Variants in SLC35D1 observed in about 807,000 individuals in gnomAD.
The protein encoded by SLC35D1 is nucleotide sugar transporter SLC35D1.
Under a neutral mutation model 46.7 loss-of-function variants are expected in SLC35D1, and 31 were observed. The ratio of observed to expected loss-of-function variants is 0.66; its 90% CI spans 0.50 to 0.90. SLC35D1 has a LOEUF of 0.90. SLC35D1 is among the 40% of genes least tolerant of loss of function. SLC35D1 has a pLI of 0.00. For missense variants in SLC35D1, 397 were observed against 426.2 expected (o/e 0.93, Z 0.60); for synonymous variants, 195 against 164.6 (o/e 1.18, Z -1.41).
chr1:66,981,964 CT>C, the SLC35D1 span: 2 of 1,600,432 alleles, frequency 1.2e-6, no homozygotes, highest in Non-Finnish European at 1.7e-6. Flanking sequence ...ATAAGGGACA[CT>C]TTCTTGCAGT....
chr1:67,051,842 C>T (rs1187800915), intron 4 of SLC35D1, among the ~76,000 whole-genome samples, 170 bp downstream of exon 4: 3 of 152,080 alleles, frequency 2.0e-5, no homozygotes, highest in African/African-American at 7.2e-5. Context: ...AGAGCATAAA[C>T]TATAAACTAA....
intron 10 of SLC35D1, among the ~76,000 whole-genome samples, chr1:67,015,800 A>T (rs1451039486): frequency 2.0e-5 from 3 of 152,212 alleles, no homozygotes; most frequent in African/African-American, 7.2e-5. Flanking sequence ...GGAAAAACAG[A>T]TTCAGTATGA....
chr1:67,040,696 T>C (rs1365704011), intron 8 of SLC35D1, among the ~76,000 whole-genome samples: 3 of 152,152 alleles, frequency 2.0e-5, no homozygotes, highest in Non-Finnish European at 2.9e-5. Context: ...TGCTAAGCAC[T>C]CTCACCTCAG....
At chr1:66,991,017 T>C in the SLC35D1 span, among the ~76,000 whole-genome samples, 1 of 152,210 alleles carries the variant, frequency 6.6e-6, no homozygotes, top group Non-Finnish European at 1.5e-5. Flanking sequence ...TAACTCTGGC[T>C]ACTCTTTCCA....
chr1:67,045,042 G>A (rs1368086334), intron 7 of SLC35D1, among the ~76,000 whole-genome samples: 3 of 151,426 alleles, frequency 2.0e-5, no homozygotes, highest in Non-Finnish European at 4.4e-5. Flanking sequence ...AAAAAAAAAA[G>A]CCATACTGGG....
At chr1:67,021,487 C>T (rs1427197608) in intron 9 of SLC35D1, 48 bp downstream of exon 9, 1 of 1,591,320 alleles carries the variant, frequency 6.3e-7, no homozygotes, top group Admixed American at 1.7e-5. Flanking sequence ...ATTTCTCTAA[C>T]CTATTTCTTT....
the SLC35D1 span, among the ~76,000 whole-genome samples, chr1:66,982,276 G>A: frequency 6.6e-6 from 1 of 152,152 alleles, no homozygotes; most frequent in African/African-American, 2.4e-5. Context: ...GAGATATACA[G>A]ATCATTGCAA....
chr1:66,976,731 AT>A, the SLC35D1 span: 1 of 1,569,128 alleles, frequency 6.4e-7, no homozygotes, highest in Non-Finnish European at 8.6e-7. Flanking sequence ...ACGTGAGTTA[AT>A]TTTTTCCTTA....
chr1:66,993,808 C>CA, the SLC35D1 span, among the ~76,000 whole-genome samples: 1 of 152,132 alleles, frequency 6.6e-6, no homozygotes, highest in African/African-American at 2.4e-5. Context: ...AAAAATGGCT[C>CA]AATAAATGTA....
intron 8 of SLC35D1, among the ~76,000 whole-genome samples, chr1:67,023,633 A>G (rs1667857621): frequency 6.6e-6 from 1 of 151,650 alleles, no homozygotes; most frequent in Non-Finnish European, 1.5e-5. Flanking sequence ...TTACAGGCAC[A>G]TGCCACCACA....
At chr1:66,992,768 T>A in the SLC35D1 span, among the ~76,000 whole-genome samples, 1 of 152,260 alleles carries the variant, frequency 6.6e-6, no homozygotes, top group Non-Finnish European at 1.5e-5. Context: ...CAGCACCCTT[T>A]GGGTTTATTT....
At chr1:66,979,763 CTTT>C in the SLC35D1 span, among the ~76,000 whole-genome samples, 3 of 138,688 alleles carry the variant, frequency 2.2e-5, no homozygotes, top group Non-Finnish European at 1.6e-5. Context: ...TTTGCCTTGG[CTTT>C]TTTTTTTTTT....
downstream of SLC35D1, among the ~76,000 whole-genome samples, chr1:66,998,359 C>A (rs1667268130): frequency 6.6e-6 from 1 of 152,022 alleles, no homozygotes; most frequent in Non-Finnish European, 1.5e-5. Flanking sequence ...CGTGGTGGTG[C>A]ATGCCTGTAA....
chr1:67,047,346 C>T lies in SLC35D1; in HGVS notation c.555G>A (p.Leu185=). 6.2e-7 allele frequency: 1 copy of T among 1,613,206 alleles called. No homozygotes were observed. Among genetic ancestry groups the T allele is most frequent in the Non-Finnish European group, 8.5e-7 (1 of 1,179,862 alleles). The change falls in exon 7 of 12, where the codon CTG becomes CTA. Residue 185 remains leucine, a synonymous_variant. Transcript: ENST00000235345. ...TTATCAGAATAAAAGCATATCCTTC[C>T]AGATCAAATGCCAAGTCAGAGCTGC... The part of the protein sequence containing the change: ...VAASSDLAFD[L]EGYAFILIND...
intron 10 of SLC35D1, among the ~76,000 whole-genome samples, chr1:67,013,602 C>A: frequency 6.6e-6 from 1 of 152,118 alleles, no homozygotes; most frequent in East Asian, 1.9e-4. Context: ...ACTCCTCCTT[C>A]CTCCTCTTTG....
rs1017525147 is a variant in SLC35D1, at chr1:67,054,100, G to A, written c.-87C>T. On this transcript the variant is annotated 5_prime_UTR_variant, in exon 1 of 12. Transcript: ENST00000235345. ...GCTCCCAGGGGACTCCAGGAGTTGGGGACCGCAGACTAGGCCAGCTGCGCG... is the reference window on the plus strand; with the variant it reads ...GCTCCCAGGGGACTCCAGGAGTTGGAGACCGCAGACTAGGCCAGCTGCGCG... 1 of 1,404,510 alleles carries A rather than the reference G, an allele frequency of 7.1e-7. No individual in the cohort carries two copies. The highest frequency in any genetic ancestry group is 1.4e-5 in the African/African-American group (1 of 69,726). The allele number at this position is 1,404,510 out of a possible 1,614,324, so 87.0% of individuals were successfully genotyped here. A position where few individuals can be genotyped will look rare whatever the true frequency, so the allele number is the denominator to read the frequency against.
chr1:67,049,502 T>C (rs775899633), intron 6 of SLC35D1, among the ~76,000 whole-genome samples: 7 of 152,202 alleles, frequency 4.6e-5, no homozygotes, highest in Non-Finnish European at 7.4e-5. Flanking sequence ...ATGTGTAAAA[T>C]GCCAAACATA....
chr1:67,014,220 A>G (rs1370849763), intron 10 of SLC35D1, among the ~76,000 whole-genome samples: 2 of 152,200 alleles, frequency 1.3e-5, no homozygotes, highest in Non-Finnish European at 2.9e-5. Flanking sequence ...TTACCTTGAC[A>G]TCCATTTTTA....
At chr1:66,980,143 C>A in the SLC35D1 span, among the ~76,000 whole-genome samples, 1 of 152,344 alleles carries the variant, frequency 6.6e-6, no homozygotes, top group East Asian at 1.9e-4. Flanking sequence ...CATCATGTGT[C>A]TTCTGTTAGC....
Sources: allele counts gnomAD v4.1 joint callset (sites outside exome capture counted in the v4.1 genomes callset), GRCh38; gene constraint gnomAD v4.1.1; transcripts MANE v1.5; gene names NCBI Gene and HGNC (gene_info 2026-07-23, HGNC 2026-07-21).